FAM13C: variants seen among roughly 807,000 people sequenced by gnomAD.
The protein encoded by FAM13C is family with sequence similarity 13 member C, also known as protein FAM13C.
In FAM13C, 37 loss-of-function variants were observed where a neutral mutation model predicts 73.2. That is an observed-to-expected ratio of 0.51 (90% CI 0.39 to 0.67). The LOEUF is 0.67. Ranked by LOEUF, FAM13C falls within the 30% of genes least tolerant of loss-of-function variation. The probability of loss-of-function intolerance (pLI) is 0.00; values close to 1 mark genes in which losing one functional copy is unlikely to be tolerated. For missense variants in FAM13C, 589 were observed against 715.6 expected, an observed-to-expected ratio of 0.82 and a Z score of 2.02; for synonymous variants, 246 against 260.9, an observed-to-expected ratio of 0.94 and a Z score of 0.55.
chr10:59,278,656 C>T (rs7091760), intron 6 of FAM13C, among the ~76,000 whole-genome samples: 6,664 of 151,934 alleles, frequency 0.044, 254 homozygotes, highest in African/African-American at 0.097. Flanking sequence ...TCCTCGAGGG[C>T]GGCAAAAAAT....
At chr10:59,285,878 T>C (rs900781309) in intron 5 of FAM13C, among the ~76,000 whole-genome samples, 2 of 152,166 alleles carry the variant, frequency 1.3e-5, no homozygotes, top group Non-Finnish European at 2.9e-5. Flanking sequence ...TCAGGAGAAA[T>C]TGACCCTGCT....
At chr10:59,318,348 C>T (rs771466282) in intron 4 of FAM13C, among the ~76,000 whole-genome samples, 4 of 152,046 alleles carry the variant, frequency 2.6e-5, no homozygotes, top group Admixed American at 6.6e-5. Context: ...CAGCAGTTCA[C>T]GGACTGGGTG....
chr10:59,267,717 T>C (rs1330695403), intron 8 of FAM13C, among the ~76,000 whole-genome samples: 4 of 152,180 alleles, frequency 2.6e-5, no homozygotes, highest in Non-Finnish European at 4.4e-5. Context: ...ACTTTCCAAT[T>C]GCCTCTGTAC....
chr10:59,307,082 G>C (rs1265001309), intron 4 of FAM13C, among the ~76,000 whole-genome samples: 1 of 151,984 alleles, frequency 6.6e-6, no homozygotes, highest in Non-Finnish European at 1.5e-5. Flanking sequence ...AATGAAGCCA[G>C]AAAAACATGT....
intron 10 of FAM13C, among the ~76,000 whole-genome samples, chr10:59,255,413 A>C (rs1354637292): frequency 1.3e-5 from 2 of 151,816 alleles, no homozygotes; most frequent in African/African-American, 4.9e-5. Context: ...ATAGCTTCCT[A>C]TCTATCCATC....
At chr10:59,260,080 T>G (rs1262570083) in intron 10 of FAM13C, among the ~76,000 whole-genome samples, 1 of 152,116 alleles carries the variant, frequency 6.6e-6, no homozygotes, top group Non-Finnish European at 1.5e-5. Flanking sequence ...TTTTTTTTTT[T>G]GCCTTCATTT....
chr10:59,351,723 T>A (rs1412113311), intron 3 of FAM13C, among the ~76,000 whole-genome samples: 1 of 152,116 alleles, frequency 6.6e-6, no homozygotes, highest in African/African-American at 2.4e-5. Context: ...TCTCCAGGCG[T>A]GGTGGCTCAC....
chr10:59,254,411 C>A lies in FAM13C; in HGVS notation c.1269G>T (p.Pro423=), dbSNP rs772790700. The part of the protein sequence containing the change: ...VTKQDKNLIK[P]LYDRYRIIKQ... ...TGATAATTCTGTATCGGTCATAAAGCGGCTTTATGAGGTTCTTGTCTTGCT... is the reference window on the plus strand; with the variant it reads ...TGATAATTCTGTATCGGTCATAAAGAGGCTTTATGAGGTTCTTGTCTTGCT... The change falls in exon 11 of 14, where the codon CCG becomes CCT. Residue 423 remains proline (P), a synonymous_variant. Coordinates refer to ENST00000618804, the MANE Select transcript of FAM13C (RefSeq NM_198215.4). 5.1e-6 allele frequency: 8 copies of A among 1,556,056 alleles called. No homozygotes were observed. Among genetic ancestry groups the A allele is most frequent in the Non-Finnish European group, 7.0e-6 (8 of 1,150,210 alleles).
In FAM13C at chr10:59,349,214, G is replaced by A. The variant is rs573060873; in HGVS notation, c.324+3056C>T. Among the ~76,000 whole-genome samples the A allele has an allele frequency of 1.8e-4, 27 of 152,266 alleles. No homozygotes were observed. In the South Asian group the frequency reaches 5.4e-3, roughly 30 times the overall value. On this transcript the variant is annotated intron_variant, in intron 3 of 13. Coordinates refer to ENST00000618804, the MANE Select transcript of FAM13C (RefSeq NM_198215.4). Reference sequence around the variant, plus strand: ...ATTCCTATTTCTGTCATCTATAGATGGTTACATTTTCCTTCAATGGTTGCC... The same window carrying A: ...ATTCCTATTTCTGTCATCTATAGATAGTTACATTTTCCTTCAATGGTTGCC...
chr10:59,276,552 C>T (rs929153420), intron 6 of FAM13C, among the ~76,000 whole-genome samples: 4 of 152,138 alleles, frequency 2.6e-5, no homozygotes, highest in Admixed American at 2.0e-4. Flanking sequence ...GAGTAAATAA[C>T]CTGTCCCAAA....
intron 6 of FAM13C, among the ~76,000 whole-genome samples, chr10:59,278,717 A>C (rs1844596152): frequency 6.6e-6 from 1 of 152,118 alleles, no homozygotes; most frequent in Admixed American, 6.6e-5. Context: ...AAGACAAATA[A>C]ATGAAGTACT....
At chr10:59,286,941 G>A (rs1005922565) in intron 5 of FAM13C, among the ~76,000 whole-genome samples, 2 of 150,632 alleles carry the variant, frequency 1.3e-5, no homozygotes, top group African/African-American at 4.9e-5. Context: ...GGCTGAGACA[G>A]GAGAATCGCT....
At chr10:59,347,989 C>G (rs1025336812) in intron 3 of FAM13C, among the ~76,000 whole-genome samples, 3 of 152,054 alleles carry the variant, frequency 2.0e-5, no homozygotes, top group Non-Finnish European at 1.5e-5. Context: ...AATAAACATA[C>G]GTGTGCATGT....
In FAM13C at chr10:59,292,947, T is replaced by C. The variant is rs572662156; in HGVS notation, c.508-9500A>G. 2.0e-5 allele frequency among the ~76,000 whole-genome samples: 3 copies of C among 152,228 alleles called. No homozygotes were observed. In the East Asian group the frequency reaches 5.8e-4, roughly 29 times the overall value. ...AGAATACTAGAACTTATTCCTCTTA[T>C]CTAGCAATGATTTTATATCCTTTAA... On this transcript the variant is annotated intron_variant, in intron 5 of 13. Transcript: ENST00000618804.
intron 3 of FAM13C, among the ~76,000 whole-genome samples, chr10:59,341,341 T>C (rs2134177353): frequency 6.6e-6 from 1 of 152,278 alleles, no homozygotes; most frequent in Middle Eastern, 3.4e-3. Flanking sequence ...CATAATATTG[T>C]AGCTCAGCAT....
chr10:59,355,748 G>T, intron 2 of FAM13C, 139 bp downstream of exon 2: 1 of 877,620 alleles, frequency 1.1e-6, no homozygotes. Flanking sequence ...TTGTCAAGAG[G>T]TAAAAATCTA....
Position 59,339,889 on chromosome 10 carries a change from G to C in FAM13C, c.324+12381C>G, listed in dbSNP as rs1054246196. 2.6e-5 allele frequency among the ~76,000 whole-genome samples: 4 copies of C among 152,120 alleles called. No individual in the cohort carries two copies. The East Asian group carries it at 7.7e-4, about 29-fold the overall frequency. ...ATCCATTCCAAAATAAGGAGGTAGA[G>C]GATTATTTTATGTGTGTGTGTGTTG... On this transcript the variant is annotated intron_variant, in intron 3 of 13. Coordinates refer to ENST00000618804, the MANE Select transcript of FAM13C (RefSeq NM_198215.4).
intron 4 of FAM13C, among the ~76,000 whole-genome samples, chr10:59,320,475 C>A (rs1850074681): frequency 6.6e-6 from 1 of 152,164 alleles, no homozygotes; most frequent in Admixed American, 6.5e-5. Context: ...ATCAGAAGAG[C>A]AAGCCAGCTT....
rs139901060 is a variant in FAM13C, at chr10:59,280,777, G to A, written c.592+2586C>T. Among the ~76,000 whole-genome samples, 562 of 152,266 alleles carry A rather than the reference G, an allele frequency of 3.7e-3. 2 individuals carry two copies. Among genetic ancestry groups the A allele is most frequent in the Non-Finnish European group, 5.4e-3 (369 of 68,010 alleles). The stretch of plus-strand genomic sequence containing the variant: ...TTACAACTGGTTGTCTAGGACAGGG[G>A]AGCATGTCAAGTCTCTTACTAGGTG... On this transcript the variant is annotated intron_variant, in intron 6 of 13. Transcript: ENST00000618804.
Sources: gnomAD v4.1 joint callset for allele counts (sites outside exome capture counted in the v4.1 genomes callset) on GRCh38, gnomAD v4.1.1 for gene constraint, MANE v1.5 for transcripts, NCBI Gene and HGNC (gene_info 2026-07-23, HGNC 2026-07-21) for gene names.